The following NAV3 variants were observed in gnomAD, a reference collection of about 807,000 sequenced individuals.
The protein encoded by NAV3 is pore membrane and/or filament interacting like protein 1.
Under a neutral mutation model 244.7 loss-of-function variants are expected in NAV3, and 87 were observed. The observed-to-expected ratio is 0.36, with a 90% CI of 0.30 to 0.42. The LOEUF (loss-of-function observed/expected upper bound fraction) is 0.42, where lower values mean the gene tolerates loss of function less well. NAV3 is among the 20% of genes least tolerant of loss of function. NAV3 has a pLI of 1.00. For missense variants in NAV3, 2,663 were observed against 2,893.3 expected (o/e 0.92, Z 1.83); for synonymous variants, 1,126 against 1,042.2 (o/e 1.08, Z -1.55).
intron 1 of NAV3, among the ~76,000 whole-genome samples, chr12:77,880,823 G>C (rs1384733237): frequency 2.6e-5 from 4 of 152,138 alleles, no homozygotes; most frequent in Non-Finnish European, 5.9e-5. Flanking sequence ...TCGGTGTGTA[G>C]TGGGCTGTTC....
intron 24 of NAV3, among the ~76,000 whole-genome samples, chr12:78,170,506 A>G (rs1957957302): frequency 6.6e-6 from 1 of 151,752 alleles, no homozygotes; most frequent in South Asian, 2.1e-4. Flanking sequence ...TGAAGCCAGA[A>G]TAGTCATTAA....
upstream of NAV3, among the ~76,000 whole-genome samples, chr12:77,827,721 A>T (rs1157000529): frequency 2.0e-5 from 3 of 152,180 alleles, no homozygotes; most frequent in East Asian, 5.8e-4. Context: ...AACACTTACT[A>T]TGTGGAAAAC....
At chr12:78,021,708 A>G (rs370706490) in intron 8 of NAV3, 39 bp from the exon 9 acceptor site, 52 of 1,390,406 alleles carry the variant, frequency 3.7e-5, no homozygotes, top group Non-Finnish European at 5.1e-5. Flanking sequence ...ACTAGTGACT[A>G]TAACTGCTAT....
chr12:78,164,861 T>G (rs1242337087), intron 23 of NAV3, among the ~76,000 whole-genome samples: 1 of 152,042 alleles, frequency 6.6e-6, no homozygotes, highest in Admixed American at 6.6e-5. Flanking sequence ...TCAAGTTAGT[T>G]GATGACACTT....
chr12:77,614,667 G>T (rs534453198), intron 2 of NAV3, among the ~76,000 whole-genome samples: 1 of 152,162 alleles, frequency 6.6e-6, no homozygotes, highest in African/African-American at 2.4e-5. Flanking sequence ...CCTGGCTCTG[G>T]CCCTTCTGGC....
At chr12:77,995,089 G>T (rs1044939336) in intron 6 of NAV3, among the ~76,000 whole-genome samples, 6 of 151,980 alleles carry the variant, frequency 3.9e-5, no homozygotes, top group African/African-American at 1.5e-4. Flanking sequence ...TTTGTGATAT[G>T]TAGTGCTATA....
rs1186177839 is a variant in NAV3, at chr12:78,118,058, C to T, written c.2801C>T (p.Thr934Ile). ...LRTDSEKRST[T>I]DETWDSPEEL... ...ACAGATTCAGAGAAACGCTCCACCA[C>T]AGACGAGACCTGGGATAGTCCTGAG... Residue 934 changes from threonine (T) to isoleucine (I), a missense_variant, in exon 14 of 40, where the codon ACA becomes ATA. Physicochemically the swap from Thr to Ile is moderately conservative, Grantham distance 89. Transcript: ENST00000397909. 2 of 1,613,604 alleles carry T rather than the reference C, an allele frequency of 1.2e-6. No homozygotes were observed. The highest frequency in any genetic ancestry group is 2.2e-5 in the South Asian group (2 of 91,038).
intron 12 of NAV3, among the ~76,000 whole-genome samples, chr12:78,092,549 T>G (rs1018605871): frequency 1.4e-5 from 2 of 142,852 alleles, no homozygotes; most frequent in African/African-American, 5.1e-5. Flanking sequence ...GCCCAGGCTG[T>G]AGTGCAGTGG....
Position 78,122,153 on chromosome 12 carries a change from T to C in NAV3, c.3963T>C (p.Asp1321=). The part of the protein sequence containing the change: ...LFNKPSDLTT[D]VISLSHSLAS... ...ATAAACCCTCAGACTTAACTACAGA[T>C]GTTATAAGCTTAAGTCACTCGTTGG... Residue 1321 remains aspartate (D), a synonymous_variant, in exon 16 of 40, where the codon GAT becomes GAC. Coordinates refer to ENST00000397909, the MANE Select transcript of NAV3 (RefSeq NM_001024383.2). 1.2e-6 allele frequency: 2 copies of C among 1,614,084 alleles called. No individual in the cohort carries two copies. Among genetic ancestry groups the C allele is most frequent in the African/African-American group, 2.7e-5 (2 of 75,024 alleles).
chr12:77,679,335 C>T (rs150156664), intron 2 of NAV3, among the ~76,000 whole-genome samples: 252 of 152,218 alleles, frequency 1.7e-3, no homozygotes, highest in African/African-American at 5.9e-3. Flanking sequence ...GTGGTGCTGA[C>T]TGGATGGAGG....
At chr12:78,010,596 T>G (rs1434610968) in intron 8 of NAV3, among the ~76,000 whole-genome samples, 1 of 152,122 alleles carries the variant, frequency 6.6e-6, no homozygotes, top group Non-Finnish European at 1.5e-5. Flanking sequence ...TTATCAGTTC[T>G]ATCTATGTGA....
chr12:78,007,269 T>C lies in NAV3; in HGVS notation c.1731T>C (p.Ser577=). The change falls in exon 8 of 40, where the codon TCT becomes TCC. Residue 577 remains serine, a synonymous_variant. Coordinates refer to ENST00000397909, the MANE Select transcript of NAV3 (RefSeq NM_001024383.2). ...KPITMEKASA[S]SCPAPLEGRE... is the part of the protein sequence containing the mutation. ...TAACCATGGAGAAAGCAAGTGCTTC[T>C]AGTTGTCCTGCCCCTTTGGAAGGAA... 16 of 1,614,218 alleles carry C rather than the reference T, an allele frequency of 9.9e-6. No individual in the cohort carries two copies. The highest frequency in any genetic ancestry group is 1.4e-5 in the Non-Finnish European group (16 of 1,180,038).
At position 77,601,583 on chromosome 12, in the gene NAV3, G is replaced by A. The variant is rs548764928; in HGVS notation, c.72+29317G>A. Among the ~76,000 whole-genome samples the A allele has an allele frequency of 3.9e-5, 6 of 152,072 alleles. No individual in the cohort carries two copies. The East Asian group carries it at 9.7e-4, about 24-fold the overall frequency. On this transcript the variant is annotated intron_variant, in intron 2 of 8. Coordinates refer to the NAV3 transcript ENST00000550042. ...ATGTAGTAGGAGCATGTGGTGCATA[G>A]TAAGGAGTGGTAAGAAGTAAGAAGG...
chr12:77,803,598 G>A (rs187999913), intron 2 of NAV3, among the ~76,000 whole-genome samples: 1 of 152,282 alleles, frequency 6.6e-6, no homozygotes, highest in Non-Finnish European at 1.5e-5. Context: ...ATGTGTGCCT[G>A]TGTCTTTGTA....
At chr12:77,746,854 T>G (rs1193718945) in intron 2 of NAV3, among the ~76,000 whole-genome samples, 1 of 152,194 alleles carries the variant, frequency 6.6e-6, no homozygotes, top group Non-Finnish European at 1.5e-5. Context: ...TGGCTTATTT[T>G]TCCTGTGTTA....
intron 12 of NAV3, among the ~76,000 whole-genome samples, chr12:78,095,212 C>A (rs1954188147): frequency 6.6e-6 from 1 of 151,754 alleles, no homozygotes; most frequent in African/African-American, 2.4e-5. Context: ...ACTACCACAG[C>A]ACAGTGAATA....
At chr12:78,110,252 C>T (rs1955019943) in intron 12 of NAV3, among the ~76,000 whole-genome samples, 1 of 151,746 alleles carries the variant, frequency 6.6e-6, no homozygotes, top group Non-Finnish European at 1.5e-5. Context: ...GATCTCTGCA[C>T]AAAACTACAA....
chr12:77,950,694 A>G (rs1228608143), intron 3 of NAV3: 1 of 152,266 alleles, frequency 6.6e-6, no homozygotes, highest in Non-Finnish European at 1.5e-5. Context: ...TAACCAAAAC[A>G]GCATGGTACT....
At position 77,966,287 on chromosome 12, in the gene NAV3, G is replaced by T. The variant is rs1892506295; in HGVS notation, c.473G>T (p.Gly158Val). The T allele has an allele frequency of 1.2e-6, 2 of 1,612,830 alleles. No homozygotes were observed. The highest frequency in any genetic ancestry group is 8.5e-7 in the Non-Finnish European group (1 of 1,179,374). The stretch of plus-strand genomic sequence containing the variant: ...GCAGCCAGAGGGGTAAATGTTCAAG[G>T]TCTATCTGCTGAAGGTAAGAAAAAG... ...FLAARGVNVQ[G>V]LSAEEIRNGN... Residue 158 changes from glycine to valine, a missense_variant, in exon 4 of 40, where the codon GGT becomes GTT. Coordinates refer to ENST00000397909, the MANE Select transcript of NAV3 (RefSeq NM_001024383.2).
Sources: allele counts gnomAD v4.1 joint callset (sites outside exome capture counted in the v4.1 genomes callset), GRCh38; gene constraint gnomAD v4.1.1; transcripts MANE v1.5; gene names NCBI Gene and HGNC (gene_info 2026-07-23, HGNC 2026-07-21).